Variants in MBP observed in about 807,000 individuals in gnomAD.
The protein encoded by MBP is Golli-MBP.
In MBP, 16 loss-of-function variants were observed where a neutral mutation model predicts 35.8. The observed-to-expected ratio is 0.45, with a 90% CI of 0.30 to 0.68. The LOEUF is 0.68. Ranked by LOEUF, MBP falls within the 30% of genes least tolerant of loss-of-function variation. The pLI is 0.08. For synonymous variants in MBP, 143 were observed against 159.6 expected (o/e 0.90, Z 0.78); for missense variants, 380 against 404.7 (o/e 0.94, Z 0.52).
chr18:77,023,668 G>T (rs115147261), intron 3 of MBP, among the ~76,000 whole-genome samples: 55 of 152,154 alleles, frequency 3.6e-4, no homozygotes, highest in African/African-American at 1.3e-3. Context: ...GTTCTCCTCC[G>T]TGGCGCCATG....
intron 1 of MBP, among the ~76,000 whole-genome samples, chr18:77,120,716 G>A (rs1414445746): frequency 6.6e-6 from 1 of 152,132 alleles, no homozygotes; most frequent in Non-Finnish European, 1.5e-5. Flanking sequence ...GGAAAACCAC[G>A]TTACCGACCT....
In MBP at chr18:76,980,075, G is replaced by A. The variant is rs762948210; in HGVS notation, c.*352C>T. 7 of 698,492 alleles carry A rather than the reference G, an allele frequency of 1.0e-5. No homozygotes were observed. Among genetic ancestry groups the A allele is most frequent in the South Asian group, 4.5e-5 (3 of 66,910 alleles). 43.3% of individuals were successfully genotyped at this position (698,492 alleles called of 1,614,324 possible). A position where few individuals can be genotyped will look rare whatever the true frequency, so the allele number is the denominator to read the frequency against. ...TGACCAGCAAAAGCGCAAGGGTGCCGCAGCCACGGCGAAAAGAAAGTCCAA... is the reference window on the plus strand; with the variant it reads ...TGACCAGCAAAAGCGCAAGGGTGCCACAGCCACGGCGAAAAGAAAGTCCAA... On this transcript the variant is annotated 3_prime_UTR_variant, in exon 9 of 9. Transcript: ENST00000355994.
intron 3 of MBP, among the ~76,000 whole-genome samples, chr18:77,026,006 C>G (rs1276523531): frequency 6.6e-6 from 1 of 152,252 alleles, no homozygotes; most frequent in Non-Finnish European, 1.5e-5. Flanking sequence ...GCTCGCTGTG[C>G]TCCCAGCCTG....
chr18:77,094,219 C>G (rs1171269387), intron 2 of MBP, among the ~76,000 whole-genome samples: 2 of 152,234 alleles, frequency 1.3e-5, no homozygotes, highest in Admixed American at 6.5e-5. Flanking sequence ...CGTGATCTGC[C>G]TGCCTTGGCC....
intron 2 of MBP, among the ~76,000 whole-genome samples, chr18:77,099,577 G>A (rs938258138): frequency 1.2e-4 from 19 of 152,212 alleles, no homozygotes; most frequent in African/African-American, 4.1e-4. Flanking sequence ...GTTTCTGCCC[G>A]GCTGTGCCAC....
At chr18:76,987,817 C>A (rs915700703) in intron 7 of MBP, 7 of 1,037,718 alleles carry the variant, frequency 6.7e-6, no homozygotes, top group Non-Finnish European at 8.1e-6. Context: ...TAATGATTGG[C>A]ATTTTAATTT....
chr18:77,062,364 G>GGT (rs1974017078), intron 3 of MBP, among the ~76,000 whole-genome samples: 1 of 152,164 alleles, frequency 6.6e-6, no homozygotes, highest in Non-Finnish European at 1.5e-5. Flanking sequence ...GTCAGAAAAC[G>GGT]CTTAGCAGCA....
chr18:77,078,829 C>T (rs1416947702), intron 2 of MBP, among the ~76,000 whole-genome samples: 1 of 152,194 alleles, frequency 6.6e-6, no homozygotes, highest in East Asian at 1.9e-4. Flanking sequence ...ATGAGGATGC[C>T]CCAATCCTGT....
At chr18:77,016,707 C>A (rs755862624) in intron 4 of MBP, 125 bp downstream of exon 4, 2 of 1,468,164 alleles carry the variant, frequency 1.4e-6, no homozygotes, top group East Asian at 2.5e-5. Flanking sequence ...TTCTCCAGCA[C>A]GGAACGAGAC....
intron 1 of MBP, chr18:77,115,433 C>T (rs926566731): frequency 3.9e-5 from 6 of 152,204 alleles, no homozygotes; most frequent in Non-Finnish European, 5.9e-5. Context: ...CTGAATCTTC[C>T]CGAAAACACA....
At chr18:77,128,114 C>G (rs992170732) in intron 1 of MBP, among the ~76,000 whole-genome samples, 1 of 152,182 alleles carries the variant, frequency 6.6e-6, no homozygotes, top group Admixed American at 6.5e-5. Context: ...TTTGCAATAA[C>G]CAAAACCTGG....
chr18:77,086,895 A>G (rs1228072550), intron 2 of MBP, among the ~76,000 whole-genome samples: 4 of 152,210 alleles, frequency 2.6e-5, no homozygotes, highest in Non-Finnish European at 1.5e-5. Flanking sequence ...CGCTCCTCTA[A>G]TGTTCTCCAG....
chr18:77,001,786 G>A (rs1016703020), intron 4 of MBP, among the ~76,000 whole-genome samples: 1 of 152,088 alleles, frequency 6.6e-6, no homozygotes, highest in Non-Finnish European at 1.5e-5. Context: ...GGAGGCGGAG[G>A]TTGCAGTGAG....
chr18:77,121,222 G>A (rs1010392016), intron 1 of MBP, among the ~76,000 whole-genome samples: 2 of 151,860 alleles, frequency 1.3e-5, no homozygotes, highest in Non-Finnish European at 2.9e-5. Flanking sequence ...AGGTGGGAGG[G>A]TCGTTTGAGC....
intron 1 of MBP, among the ~76,000 whole-genome samples, chr18:77,119,966 TG>T (rs988018706): frequency 2.0e-5 from 3 of 151,984 alleles, no homozygotes; most frequent in Non-Finnish European, 2.9e-5. Flanking sequence ...GCAGCTGCAG[TG>T]GCCCAGGCCA....
intron 4 of MBP, among the ~76,000 whole-genome samples, chr18:77,011,327 C>G (rs1971333769): frequency 6.6e-6 from 1 of 152,240 alleles, no homozygotes; most frequent in South Asian, 2.1e-4. Flanking sequence ...CTCCCATCAG[C>G]TGGTGTCCAT....
chr18:77,122,798 C>A (rs1232325480), intron 1 of MBP, among the ~76,000 whole-genome samples: 1 of 152,228 alleles, frequency 6.6e-6, no homozygotes, highest in Admixed American at 6.5e-5. Flanking sequence ...CCGCCTCGGC[C>A]TCCCAAAGTG....
intron 2 of MBP, among the ~76,000 whole-genome samples, chr18:77,067,121 G>A (rs1275712089): frequency 6.6e-6 from 1 of 152,236 alleles, no homozygotes; most frequent in East Asian, 1.9e-4. Context: ...TAACTATTTT[G>A]AAATGTCACA....
chr18:77,030,199 T>TCAGGCAATGGTTAGGAGGCTG (rs1972491965), intron 3 of MBP, among the ~76,000 whole-genome samples: 1 of 152,184 alleles, frequency 6.6e-6, no homozygotes, highest in African/African-American at 2.4e-5. Context: ...AGGCTGGGAA[T>TCAGGCAATGGTTAGGAGGCTG]GGCTCCTGGA....
Sources: gnomAD v4.1 joint callset for allele counts (sites outside exome capture counted in the v4.1 genomes callset) on GRCh38, gnomAD v4.1.1 for gene constraint, MANE v1.5 for transcripts, NCBI Gene and HGNC (gene_info 2026-07-23, HGNC 2026-07-21) for gene names.